PRKCA: variants seen among roughly 807,000 people sequenced by gnomAD.
PRKCA encodes protein kinase C alpha type.
A neutral mutation model predicts 87.0 loss-of-function variants in PRKCA; 27 were observed. That is an observed-to-expected ratio of 0.31 (90% CI 0.23 to 0.43). The LOEUF (loss-of-function observed/expected upper bound fraction) is 0.43, where lower values mean the gene tolerates loss of function less well. Ranked by LOEUF, PRKCA falls within the 20% of genes least tolerant of loss-of-function variation. The pLI is 1.00. For synonymous variants in PRKCA, 329 were observed against 311.1 expected, an observed-to-expected ratio of 1.06 and a Z score of -0.61; for missense variants, 518 against 852.3, an observed-to-expected ratio of 0.61 and a Z score of 4.88.
intron 13 of PRKCA, among the ~76,000 whole-genome samples, chr17:66,744,891 T>C (rs4525529): frequency 0.23 from 34,883 of 152,058 alleles, 4,546 homozygotes; most frequent in Middle Eastern, 0.33. Context: ...CATTCCTTGG[T>C]TCGTGGTGTC....
At chr17:66,617,962 G>T (rs565833917) in intron 3 of PRKCA, among the ~76,000 whole-genome samples, 1 of 152,142 alleles carries the variant, frequency 6.6e-6, no homozygotes, top group Non-Finnish European at 1.5e-5. Flanking sequence ...TTGCCCCAAC[G>T]TGGTGCCCTG....
intron 2 of PRKCA, among the ~76,000 whole-genome samples, chr17:66,465,669 A>C (rs147548615): frequency 5.3e-5 from 8 of 152,026 alleles, no homozygotes; most frequent in African/African-American, 1.9e-4. Flanking sequence ...AAAAGTGTTG[A>C]GATTACAGAG....
chr17:66,320,441 T>C (rs1328377202), intron 2 of PRKCA, among the ~76,000 whole-genome samples: 7 of 152,202 alleles, frequency 4.6e-5, no homozygotes, highest in Non-Finnish European at 2.9e-5. Flanking sequence ...GAGATTCCTT[T>C]TATTTTCTTT....
At chr17:66,437,006 G>A (rs181628832) in intron 2 of PRKCA, among the ~76,000 whole-genome samples, 14 of 152,288 alleles carry the variant, frequency 9.2e-5, no homozygotes, top group Admixed American at 6.5e-4. Context: ...TATGGGAACC[G>A]TGATGGGAGA....
In PRKCA at chr17:66,805,972, A is replaced by G. The variant is rs906645704; in HGVS notation, c.*1935A>G. 1 of 152,262 alleles carries G rather than the reference A, an allele frequency of 6.6e-6. No individual in the cohort carries two copies. Among genetic ancestry groups the G allele is most frequent in the African/African-American group, 2.4e-5 (1 of 41,464 alleles). 9.4% of individuals were successfully genotyped at this position (152,262 alleles called of 1,614,324 possible). A position where few individuals can be genotyped will look rare whatever the true frequency, so the allele number is the denominator to read the frequency against. On this transcript the variant is annotated 3_prime_UTR_variant, in exon 17 of 17. Coordinates refer to ENST00000413366, the MANE Select transcript of PRKCA (RefSeq NM_002737.3). ...CAGCATGCACAAACTTCGTGAGACC[A>G]ACACAGCCGTGCCCTGCAGGCACCA...
At chr17:66,409,757 G>A (rs111752262) in intron 2 of PRKCA, among the ~76,000 whole-genome samples, 7,149 of 152,138 alleles carry the variant, frequency 0.047, 222 homozygotes, top group Admixed American at 0.079. Flanking sequence ...GTGAAACCCC[G>A]TCTCCACTAA....
chr17:66,615,028 G>A (rs1423475114), intron 3 of PRKCA, among the ~76,000 whole-genome samples: 3 of 152,130 alleles, frequency 2.0e-5, no homozygotes, highest in East Asian at 3.9e-4. Context: ...CTGTGTCTCT[G>A]TTGTACCATA....
Position 66,302,714 on chromosome 17 carries a change from C to T in PRKCA, c.-138C>T. 4 of 462,238 alleles carry T rather than the reference C, an allele frequency of 8.7e-6. No homozygotes were observed. The highest frequency in any genetic ancestry group is 1.1e-5 in the Non-Finnish European group (4 of 351,960). The allele number at this position is 462,238 out of a possible 1,614,324, so 28.6% of individuals were successfully genotyped here. A position where few individuals can be genotyped will look rare whatever the true frequency, so the allele number is the denominator to read the frequency against. On this transcript the variant is annotated 5_prime_UTR_variant, in exon 1 of 17. Coordinates refer to ENST00000413366, the MANE Select transcript of PRKCA (RefSeq NM_002737.3). ...CTCCCCGGCCCCCGCCGCGCCCCCT[C>T]GCCGCGACCTCGGCCACCGGCCCGC...
intron 3 of PRKCA, among the ~76,000 whole-genome samples, chr17:66,609,941 T>G (rs1341010014): frequency 6.6e-6 from 1 of 151,850 alleles, no homozygotes; most frequent in East Asian, 1.9e-4. Context: ...ACAAAGCAAC[T>G]CTCCAGCAGA....
intron 2 of PRKCA, among the ~76,000 whole-genome samples, chr17:66,325,590 T>C: frequency 6.6e-6 from 1 of 151,962 alleles, no homozygotes. Context: ...AGGGGTAGAG[T>C]GTCCTATTCA....
chr17:66,373,079 G>T (rs903544331), intron 2 of PRKCA, among the ~76,000 whole-genome samples: 2 of 151,968 alleles, frequency 1.3e-5, no homozygotes, highest in Non-Finnish European at 2.9e-5. Flanking sequence ...GGAACAAAGG[G>T]AGAGAGATTG....
rs147338176 is a variant in PRKCA, at chr17:66,435,658, G to A, written c.206-60543G>A. ...TAAAATTGGGAAGATATAAAGCACT[G>A]ACAAAAAGAAATGTGAAAAGATGTG... On this transcript the variant is annotated intron_variant, in intron 2 of 16. Coordinates refer to ENST00000413366, the MANE Select transcript of PRKCA (RefSeq NM_002737.3). Among the ~76,000 whole-genome samples the A allele has an allele frequency of 3.1e-4, 47 of 152,258 alleles. 1 individual carries two copies. The highest frequency in any genetic ancestry group is 1.0e-3 in the African/African-American group (43 of 41,562).
intron 2 of PRKCA, among the ~76,000 whole-genome samples, chr17:66,351,098 A>AC (rs1426778398): frequency 1.3e-5 from 2 of 152,140 alleles, no homozygotes; most frequent in African/African-American, 4.8e-5. Flanking sequence ...TGTCATAATC[A>AC]CCCCAGTATT....
chr17:66,481,983 C>T (rs1741917611), intron 2 of PRKCA, among the ~76,000 whole-genome samples: 1 of 151,538 alleles, frequency 6.6e-6, no homozygotes, highest in East Asian at 1.9e-4. Context: ...CACCTGTAAT[C>T]CCAGCTGTGT....
intron 2 of PRKCA, among the ~76,000 whole-genome samples, chr17:66,458,838 C>T (rs1430505367): frequency 6.6e-6 from 1 of 152,058 alleles, no homozygotes; most frequent in Non-Finnish European, 1.5e-5. Context: ...ATTTGGTTAC[C>T]GACCTTCCCA....
intron 5 of PRKCA, among the ~76,000 whole-genome samples, chr17:66,673,101 A>G (rs188210284): frequency 6.6e-6 from 1 of 152,286 alleles, no homozygotes; most frequent in African/African-American, 2.4e-5. Context: ...TTCTCTCACA[A>G]CTAGGTTTCA....
intron 5 of PRKCA, among the ~76,000 whole-genome samples, chr17:66,669,999 G>A (rs1030200012): frequency 6.6e-6 from 1 of 152,218 alleles, no homozygotes; most frequent in African/African-American, 2.4e-5. Flanking sequence ...ACAAAAACCA[G>A]GTTGTCACTA....
chr17:66,618,782 G>A (rs1970587191), intron 3 of PRKCA, among the ~76,000 whole-genome samples: 1 of 152,220 alleles, frequency 6.6e-6, no homozygotes, highest in African/African-American at 2.4e-5. Context: ...TGGGAACATA[G>A]ACCTTTGCTG....
chr17:66,306,113 G>C lies in PRKCA; in HGVS notation c.191G>C (p.Gly64Ala). Residue 64 changes from glycine (G) to alanine (A), a missense_variant, in exon 2 of 17, where the codon GGC becomes GCC. By Grantham distance (60) the Gly-to-Ala change is moderately conservative. This residue lies in a region of PRKCA where 25 missense variants were observed against 72.1 expected (regional missense o/e 0.35). Transcript: ENST00000413366. ...TDFIWGFGKQ[G>A]FQCQVCCFVV... ...TTTTTCAGGGGGTTTGGGAAACAAG[G>C]CTTCCAGTGCCAAGGTAAGCTACCA... 1 of 1,611,996 alleles carries C rather than the reference G, an allele frequency of 6.2e-7. No individual in the cohort carries two copies.
Sources: gnomAD v4.1 joint callset for allele counts (sites outside exome capture counted in the v4.1 genomes callset) on GRCh38, gnomAD v4.1.1 for gene constraint, gnomAD v4.1.1 regional missense constraint, MANE v1.5 for transcripts, NCBI Gene and HGNC (gene_info 2026-07-23, HGNC 2026-07-21) for gene names.